The following RSU1 variants were observed in gnomAD, a reference collection of about 807,000 sequenced individuals.
The protein encoded by RSU1 is Ras suppressor protein 1.
In RSU1, 26 loss-of-function variants were observed where a neutral mutation model predicts 31.1. The observed-to-expected ratio is 0.84, with a 90% CI of 0.61 to 1.16. The LOEUF (loss-of-function observed/expected upper bound fraction) is 1.16, where lower values mean the gene tolerates loss of function less well. RSU1 is among the 50% of genes most tolerant of loss of function. RSU1 has a pLI of 0.00. For synonymous variants in RSU1, 164 were observed against 136.3 expected, an observed-to-expected ratio of 1.20 and a Z score of -1.41; for missense variants, 320 against 339.1, an observed-to-expected ratio of 0.94 and a Z score of 0.44.
chr10:16,767,909 G>A (rs117348041), intron 3 of RSU1, among the ~76,000 whole-genome samples: 1 of 152,162 alleles, frequency 6.6e-6, no homozygotes, highest in Non-Finnish European at 1.5e-5. Flanking sequence ...AATATGAATT[G>A]TGCTATGACT....
chr10:16,695,853 C>G (rs957173441), intron 7 of RSU1, among the ~76,000 whole-genome samples: 1 of 152,166 alleles, frequency 6.6e-6, no homozygotes, highest in African/African-American at 2.4e-5. Flanking sequence ...CAAGCTGATG[C>G]TCAATCTCAT....
At chr10:16,800,027 G>A (rs954197320) in intron 2 of RSU1, among the ~76,000 whole-genome samples, 1 of 152,078 alleles carries the variant, frequency 6.6e-6, no homozygotes, top group Non-Finnish European at 1.5e-5. Context: ...CAGTATTTAA[G>A]GATTCAACAG....
intron 2 of RSU1, among the ~76,000 whole-genome samples, chr10:16,791,383 C>T (rs905843231): frequency 6.6e-6 from 1 of 152,026 alleles, no homozygotes; most frequent in Non-Finnish European, 1.5e-5. Context: ...CCTGTAATCC[C>T]AGCACTTTCG....
intron 8 of RSU1, among the ~76,000 whole-genome samples, chr10:16,671,519 G>A (rs1564310294): frequency 6.6e-6 from 1 of 152,068 alleles, no homozygotes; most frequent in Non-Finnish European, 1.5e-5. Context: ...TATGATCTGA[G>A]TTCACTGTAT....
chr10:16,706,965 G>GA (rs140774129), intron 7 of RSU1, among the ~76,000 whole-genome samples: 3,632 of 151,968 alleles, frequency 0.024, 107 homozygotes, highest in East Asian at 0.083. Flanking sequence ...TTGTTGTTAA[G>GA]AAAAAAAGAT....
intron 4 of RSU1, among the ~76,000 whole-genome samples, chr10:16,759,191 T>C (rs369907557): frequency 6.6e-6 from 1 of 151,944 alleles, no homozygotes; most frequent in African/African-American, 2.4e-5. Context: ...CTCACACTTA[T>C]CAAAAATAAA....
At chr10:16,757,398 G>T (rs753751057) in intron 4 of RSU1, among the ~76,000 whole-genome samples, 28 of 152,168 alleles carry the variant, frequency 1.8e-4, no homozygotes, top group South Asian at 2.1e-4. Context: ...GACAGCAGAG[G>T]GGGCAACCAA....
At position 16,695,157 on chromosome 10, in the gene RSU1, T is replaced by TTGGGG; in HGVS notation, c.599-3_599-2insCCCCA. ...TCTGGCCAGTTAAATCCAAGTTTCCTGGGGGGGGGGAAAAAAAAAGTGAAG... is the reference window on the plus strand; with the variant it reads ...TCTGGCCAGTTAAATCCAAGTTTCCTTGGGGGGGGGGGGGGAAAAAAAAAGTGAAG... On this transcript the variant is annotated splice_polypyrimidine_tract_variant and splice_region_variant and intron_variant, in intron 7 of 8. Transcript: ENST00000345264. The TTGGGG allele has an allele frequency of 8.3e-7, 1 of 1,202,566 alleles. No individual in the cohort carries two copies. Among genetic ancestry groups the TTGGGG allele is most frequent in the Non-Finnish European group, 1.1e-6 (1 of 890,700 alleles). The allele number at this position is 1,202,566 out of a possible 1,614,324, so 74.5% of individuals were successfully genotyped here.
chr10:16,667,976 GAAC>G (rs1306546709), intron 8 of RSU1, among the ~76,000 whole-genome samples: 1 of 152,098 alleles, frequency 6.6e-6, no homozygotes, highest in Non-Finnish European at 1.5e-5. Context: ...AAATATATGA[GAAC>G]AATAAATGCT....
intron 2 of RSU1, among the ~76,000 whole-genome samples, chr10:16,795,746 TG>T (rs1838016684): frequency 6.6e-6 from 1 of 152,088 alleles, no homozygotes; most frequent in African/African-American, 2.4e-5. Context: ...GTACACAGGT[TG>T]TTTTTTTGCC....
At chr10:16,798,535 TACTGCCTTGTGA>T (rs1013622845) in intron 2 of RSU1, among the ~76,000 whole-genome samples, 11 of 152,160 alleles carry the variant, frequency 7.2e-5, no homozygotes, top group Non-Finnish European at 1.2e-4. Flanking sequence ...TTCTCCATCC[TACTGCCTTGTGA>T]AAAAGGCACC....
intron 3 of RSU1, among the ~76,000 whole-genome samples, chr10:16,772,226 A>T (rs1837436561): frequency 6.6e-6 from 1 of 152,240 alleles, no homozygotes. Flanking sequence ...AAAGCCAAAC[A>T]TGCAAAAATG....
chr10:16,740,897 C>T (rs944070035), intron 7 of RSU1, among the ~76,000 whole-genome samples: 2 of 152,112 alleles, frequency 1.3e-5, no homozygotes, highest in Non-Finnish European at 2.9e-5. Flanking sequence ...CTGAAATAAT[C>T]TACAAATTCG....
At chr10:16,767,387 C>T (rs1232598343) in intron 3 of RSU1, 1 of 152,204 alleles carries the variant, frequency 6.6e-6, no homozygotes, top group Non-Finnish European at 1.5e-5. Flanking sequence ...GATTATTTCA[C>T]TCTCCTTGCT....
At chr10:16,643,082 G>C (rs1346167719) in intron 8 of RSU1, among the ~76,000 whole-genome samples, 2 of 152,204 alleles carry the variant, frequency 1.3e-5, no homozygotes, top group Non-Finnish European at 2.9e-5. Flanking sequence ...GCTATGTAGA[G>C]ATATCACCTT....
chr10:16,594,663 TTATC>T (rs956664057), intron 8 of RSU1, among the ~76,000 whole-genome samples: 1 of 142,116 alleles, frequency 7.0e-6, no homozygotes, highest in South Asian at 2.1e-4. Flanking sequence ...ATATCATATA[TTATC>T]TATATCATAT....
At chr10:16,714,996 T>C (rs1836110056) in intron 7 of RSU1, among the ~76,000 whole-genome samples, 2 of 152,134 alleles carry the variant, frequency 1.3e-5, no homozygotes, top group African/African-American at 4.8e-5. Context: ...CCAGCATACA[T>C]TTCCCCATAA....
intron 8 of RSU1, among the ~76,000 whole-genome samples, chr10:16,594,387 G>GTT (rs963249134): frequency 1.3e-4 from 20 of 151,404 alleles, no homozygotes; most frequent in Admixed American, 6.6e-4. Context: ...ATCTTGGGCT[G>GTT]TTTAGCATAT....
chr10:16,741,549 C>T (rs1289906350), intron 7 of RSU1, among the ~76,000 whole-genome samples: 2 of 151,960 alleles, frequency 1.3e-5, no homozygotes, highest in African/African-American at 4.8e-5. Context: ...GGTGAAAATT[C>T]CAAGGAGAGA....
Sources: gnomAD v4.1 joint callset for allele counts (sites outside exome capture counted in the v4.1 genomes callset) on GRCh38, gnomAD v4.1.1 for gene constraint, MANE v1.5 for transcripts, NCBI Gene and HGNC (gene_info 2026-07-23, HGNC 2026-07-21) for gene names.